The following GMDS variants were observed in gnomAD, a reference collection of about 807,000 sequenced individuals.
GMDS encodes GDP-mannose 4,6 dehydratase.
Under a neutral mutation model 49.9 loss-of-function variants are expected in GMDS, and 20 were observed. The ratio of observed to expected loss-of-function variants is 0.40; its 90% CI spans 0.28 to 0.58. The LOEUF (loss-of-function observed/expected upper bound fraction) is 0.58. GMDS is among the 20% of genes least tolerant of loss of function. GMDS has a pLI of 0.42. For synonymous variants in GMDS, 177 were observed against 178.6 expected (o/e 0.99, Z 0.07); for missense variants, 362 against 481.4 (o/e 0.75, Z 2.32).
chr6:1,895,573 A>G (rs1415714703), intron 7 of GMDS, among the ~76,000 whole-genome samples: 1 of 152,260 alleles, frequency 6.6e-6, no homozygotes, highest in Admixed American at 6.5e-5. Context: ...TGTATTGAAC[A>G]GCACTGATAA....
intron 4 of GMDS, among the ~76,000 whole-genome samples, chr6:2,103,296 A>C (rs1033942094): frequency 2.6e-5 from 4 of 152,210 alleles, no homozygotes; most frequent in Non-Finnish European, 5.9e-5. Context: ...TTTTGAACTC[A>C]GAAATGAGGG....
intron 7 of GMDS, among the ~76,000 whole-genome samples, chr6:1,910,736 A>G (rs1581345333): frequency 1.3e-5 from 2 of 152,186 alleles, no homozygotes; most frequent in East Asian, 3.9e-4. Context: ...AGTCTGAGGA[A>G]AGTGTAGGGA....
intron 1 of GMDS, among the ~76,000 whole-genome samples, chr6:2,200,102 G>A (rs1379400755): frequency 2.6e-5 from 4 of 152,182 alleles, no homozygotes; most frequent in African/African-American, 4.8e-5. Context: ...CACATCCACT[G>A]TGTCAGATAT....
At chr6:1,680,599 C>A (rs544389811) in intron 9 of GMDS, among the ~76,000 whole-genome samples, 2 of 152,130 alleles carry the variant, frequency 1.3e-5, no homozygotes, top group Admixed American at 6.5e-5. Flanking sequence ...GGCCAGGACA[C>A]GCAAGGTCAT....
intron 1 of GMDS, among the ~76,000 whole-genome samples, chr6:2,196,744 A>G (rs1337201647): frequency 6.6e-6 from 1 of 152,232 alleles, no homozygotes; most frequent in Non-Finnish European, 1.5e-5. Context: ...AAACAAAAGT[A>G]CACTCTGTTA....
intron 9 of GMDS, among the ~76,000 whole-genome samples, chr6:1,720,866 T>C (rs984162620): frequency 6.6e-6 from 1 of 151,798 alleles, no homozygotes; most frequent in Non-Finnish European, 1.5e-5. Flanking sequence ...GATGAAGGGA[T>C]AGAGTGGGGG....
At chr6:2,070,470 A>G (rs552658722) in intron 4 of GMDS, among the ~76,000 whole-genome samples, 2 of 152,348 alleles carry the variant, frequency 1.3e-5, no homozygotes, top group African/African-American at 4.8e-5. Flanking sequence ...AAGCAAATTT[A>G]TGATATAGTA....
chr6:2,095,249 T>C (rs903202762), intron 4 of GMDS, among the ~76,000 whole-genome samples: 6 of 152,176 alleles, frequency 3.9e-5, no homozygotes, highest in Non-Finnish European at 7.3e-5. Context: ...TAGTGCATGC[T>C]TCAGGTATTA....
At chr6:1,769,330 T>G (rs549641221) in intron 7 of GMDS, among the ~76,000 whole-genome samples, 9 of 152,220 alleles carry the variant, frequency 5.9e-5, no homozygotes, top group Admixed American at 4.6e-4. Flanking sequence ...GGGTAACAAA[T>G]TCTCTCAAAG....
At chr6:2,194,743 C>G (rs1779209427) in intron 1 of GMDS, among the ~76,000 whole-genome samples, 1 of 152,248 alleles carries the variant, frequency 6.6e-6, no homozygotes, top group South Asian at 2.1e-4. Context: ...AGTAAACATT[C>G]TTTCAAATCA....
chr6:2,170,855 T>C (rs2127554261), intron 1 of GMDS, among the ~76,000 whole-genome samples: 1 of 151,750 alleles, frequency 6.6e-6, no homozygotes, highest in East Asian at 1.9e-4. Context: ...ATTAGCCAGG[T>C]GCAGTGGCGG....
intron 4 of GMDS, among the ~76,000 whole-genome samples, chr6:2,091,328 C>T (rs1421687322): frequency 1.3e-5 from 2 of 152,170 alleles, no homozygotes; most frequent in African/African-American, 4.8e-5. Context: ...TTTTCCATTA[C>T]TAGGAACTCA....
At chr6:2,126,960 T>A (rs1775483559) in intron 1 of GMDS, among the ~76,000 whole-genome samples, 1 of 152,220 alleles carries the variant, frequency 6.6e-6, no homozygotes, top group South Asian at 2.1e-4. Flanking sequence ...TTCTTCTGAC[T>A]TCTTGAGGTA....
At chr6:2,091,449 T>TA (rs796434896) in intron 4 of GMDS, among the ~76,000 whole-genome samples, 7 of 152,362 alleles carry the variant, frequency 4.6e-5, no homozygotes, top group African/African-American at 1.4e-4. Flanking sequence ...AACAGTTTGA[T>TA]ACGGTCACCA....
chr6:2,030,875 C>A (rs1768913946), intron 4 of GMDS, among the ~76,000 whole-genome samples: 2 of 152,128 alleles, frequency 1.3e-5, no homozygotes, highest in African/African-American at 4.8e-5. Context: ...AAGCCTAGAA[C>A]ACAAGTATTA....
intron 7 of GMDS, among the ~76,000 whole-genome samples, chr6:1,911,048 G>C (rs1433225300): frequency 6.6e-6 from 1 of 152,180 alleles, no homozygotes; most frequent in African/African-American, 2.4e-5. Context: ...TACAGTCAGG[G>C]AAAGATGGAG....
chr6:1,658,319 C>G (rs1191016627), intron 9 of GMDS, among the ~76,000 whole-genome samples: 2 of 152,248 alleles, frequency 1.3e-5, no homozygotes, highest in Non-Finnish European at 2.9e-5. Context: ...AAAGCTGAAG[C>G]TGCAATTTGC....
intron 4 of GMDS, among the ~76,000 whole-genome samples, chr6:2,063,388 T>C (rs1771309348): frequency 6.6e-6 from 1 of 152,182 alleles, no homozygotes; most frequent in African/African-American, 2.4e-5. Context: ...AGTAAATACA[T>C]GTCAAGACAT....
At chr6:1,951,499 G>A (rs1008063094) in intron 6 of GMDS, among the ~76,000 whole-genome samples, 1 of 152,144 alleles carries the variant, frequency 6.6e-6, no homozygotes, top group Non-Finnish European at 1.5e-5. Flanking sequence ...ATCTCACACG[G>A]TTAATTATGG....
Sources: gnomAD v4.1 joint callset for allele counts (sites outside exome capture counted in the v4.1 genomes callset) on GRCh38, gnomAD v4.1.1 for gene constraint, MANE v1.5 for transcripts, NCBI Gene and HGNC (gene_info 2026-07-23, HGNC 2026-07-21) for gene names.